NICOL1: variants seen among roughly 807,000 people sequenced by gnomAD.
NICOL1 encodes the protein NELL2 interacting cell ontogeny regulator 1.
At chr4:2,039,891 C>T in the NICOL1 span, among the ~76,000 whole-genome samples, 4 of 151,886 alleles carry the variant, frequency 2.6e-5, no homozygotes, top group Non-Finnish European at 4.4e-5. Context: ...ATATAAAGTG[C>T]ACCAAAAAGA....
At chr4:2,041,972 C>T in the NICOL1 span, 2 of 1,451,104 alleles carry the variant, frequency 1.4e-6, no homozygotes, top group Non-Finnish European at 9.0e-7. Context: ...ATGGGGAACC[C>T]GGGCGGGGTC....
chr4:2,037,939 A>G, the NICOL1 span, among the ~76,000 whole-genome samples: 1 of 151,528 alleles, frequency 6.6e-6, no homozygotes, highest in Non-Finnish European at 1.5e-5. Flanking sequence ...TTATAATTAT[A>G]TTACACTATA....
chr4:2,043,883 C>G, the NICOL1 span: 12 of 1,549,648 alleles, frequency 7.7e-6, no homozygotes, highest in African/African-American at 1.4e-5. Context: ...CTGCTGCAGG[C>G]AGAGCGCCGT....
At chr4:2,041,189 G>T in the NICOL1 span, among the ~76,000 whole-genome samples, 1 of 150,302 alleles carries the variant, frequency 6.7e-6, no homozygotes, top group Non-Finnish European at 1.5e-5. Flanking sequence ...CGTGCGCCTG[G>T]GGCGCCTTCT....
the NICOL1 span, among the ~76,000 whole-genome samples, chr4:2,039,565 T>G: frequency 6.6e-6 from 1 of 152,138 alleles, no homozygotes; most frequent in African/African-American, 2.4e-5. Flanking sequence ...CCAGGTGCAG[T>G]GGCTCACGCC....
the NICOL1 span, among the ~76,000 whole-genome samples, chr4:2,043,092 C>A: frequency 1.3e-5 from 2 of 152,152 alleles, no homozygotes; most frequent in East Asian, 1.9e-4. Context: ...GTCCTATGAC[C>A]GCCACTCCTG....
chr4:2,043,063 G>A, the NICOL1 span, among the ~76,000 whole-genome samples: 34,624 of 152,130 alleles, frequency 0.23, 4,335 homozygotes, highest in African/African-American at 0.33. Context: ...TCCCCCAGAA[G>A]GCTCTCACTG....
the NICOL1 span, chr4:2,041,651 C>T: frequency 3.8e-6 from 1 of 264,270 alleles, no homozygotes; most frequent in Non-Finnish European, 7.1e-6. Flanking sequence ...GGAGGCCAAG[C>T]GTTTGCATGC....
At chr4:2,041,929 C>G in the NICOL1 span, 4 of 1,419,800 alleles carry the variant, frequency 2.8e-6, no homozygotes, top group East Asian at 1.2e-4. Flanking sequence ...CCGCGGCCAG[C>G]GCAGTCTCGG....
the NICOL1 span, among the ~76,000 whole-genome samples, chr4:2,041,161 C>CG: frequency 1.0e-5 from 1 of 99,384 alleles, no homozygotes; most frequent in Non-Finnish European, 2.0e-5. Context: ...GGGGGGGGAG[C>CG]GGGGGCGCCA....
the NICOL1 span, chr4:2,042,375 G>A: frequency 1.9e-6 from 1 of 515,076 alleles, no homozygotes. Flanking sequence ...CCGCGTGCCG[G>A]TCCCCGATGT....
chr4:2,042,365 C>T, the NICOL1 span: 1 of 514,504 alleles, frequency 1.9e-6, no homozygotes, highest in Non-Finnish European at 3.4e-6. Flanking sequence ...GCCCCCCCGC[C>T]CGCGTGCCGG....
the NICOL1 span, among the ~76,000 whole-genome samples, chr4:2,041,504 C>G: frequency 6.6e-6 from 1 of 152,062 alleles, no homozygotes; most frequent in Non-Finnish European, 1.5e-5. Context: ...CAGGCTGGTG[C>G]CCACCCTGAC....
chr4:2,039,393 G>A, the NICOL1 span, among the ~76,000 whole-genome samples: 2 of 151,164 alleles, frequency 1.3e-5, no homozygotes, highest in Non-Finnish European at 2.9e-5. Context: ...TAGCCTGGGC[G>A]ACAGAGCAAG....
the NICOL1 span, chr4:2,042,162 T>G: frequency 1.5e-6 from 2 of 1,331,408 alleles, no homozygotes; most frequent in Admixed American, 3.5e-5. Flanking sequence ...CGGACTGGAG[T>G]CGGGGAACCG....
the NICOL1 span, chr4:2,042,013 A>G: frequency 1.4e-6 from 2 of 1,470,924 alleles, no homozygotes; most frequent in Non-Finnish European, 1.8e-6. Flanking sequence ...TGCGCGCCGG[A>G]CGCGGAACGT....
chr4:2,042,089 G>C, the NICOL1 span: 3 of 1,483,764 alleles, frequency 2.0e-6, no homozygotes. Context: ...TGGTGCGGGC[G>C]TCCGAATGGG....
the NICOL1 span, among the ~76,000 whole-genome samples, chr4:2,038,657 A>G: frequency 3.3e-5 from 5 of 152,306 alleles, no homozygotes; most frequent in Non-Finnish European, 4.4e-5. Context: ...TATGTACTCA[A>G]TTAGATAATG....
chr4:2,041,977 G>A, the NICOL1 span: 4 of 1,452,762 alleles, frequency 2.8e-6, no homozygotes, highest in African/African-American at 3.0e-5. Flanking sequence ...GAACCCGGGC[G>A]GGGTCGGGTC....
Sources: gnomAD v4.1 joint callset for allele counts (sites outside exome capture counted in the v4.1 genomes callset) on GRCh38, gnomAD v4.1.1 for gene constraint, MANE v1.5 for transcripts, NCBI Gene and HGNC (gene_info 2026-07-23, HGNC 2026-07-21) for gene names.